ODF1: variants seen among roughly 807,000 people sequenced by gnomAD.
ODF1 encodes the protein outer dense fiber of sperm tails 1, also known as outer dense fiber protein 1.
A neutral mutation model predicts 24.0 loss-of-function variants in ODF1; 10 were observed. The ratio of observed to expected loss-of-function variants is 0.42; its 90% confidence interval spans 0.26 to 0.71. The LOEUF (loss-of-function observed/expected upper bound fraction) is 0.71, where lower values mean the gene tolerates loss of function less well. Ranked by LOEUF, ODF1 falls within the 30% of genes least tolerant of loss-of-function variation. The probability of loss-of-function intolerance (pLI) is 0.28; values close to 1 mark genes in which losing one functional copy is unlikely to be tolerated. For missense variants in ODF1, 282 were observed against 307.9 expected, an observed-to-expected ratio of 0.92 and a Z score of 0.63; for synonymous variants, 118 against 121.3, an observed-to-expected ratio of 0.97 and a Z score of 0.18.
chr8:102,557,828 G>T (rs1367268099), intron 1 of ODF1, among the ~76,000 whole-genome samples: 1 of 152,224 alleles, frequency 6.6e-6, no homozygotes, highest in Non-Finnish European at 1.5e-5. Flanking sequence ...TGCACACACC[G>T]TGGGAGAGTC....
At chr8:102,559,539 A>G (rs944899727) in intron 1 of ODF1, among the ~76,000 whole-genome samples, 1 of 151,680 alleles carries the variant, frequency 6.6e-6, no homozygotes, top group Non-Finnish European at 1.5e-5. Flanking sequence ...AGAGATGTAC[A>G]CGATCAGCTC....
At chr8:102,555,292 C>T (rs984086560) in intron 1 of ODF1, among the ~76,000 whole-genome samples, 2 of 152,186 alleles carry the variant, frequency 1.3e-5, no homozygotes, top group Non-Finnish European at 2.9e-5. Flanking sequence ...AGAAACAAAA[C>T]CCAGGCCCTC....
At chr8:102,552,179 G>A in intron 1 of ODF1, 132 bp downstream of exon 1, 1 of 634,094 alleles carries the variant, frequency 1.6e-6, no homozygotes, top group East Asian at 2.8e-5. Context: ...GGTGACTTAG[G>A]AAAGATTTAA....
At chr8:102,557,962 T>A (rs1826132859) in intron 1 of ODF1, among the ~76,000 whole-genome samples, 1 of 152,242 alleles carries the variant, frequency 6.6e-6, no homozygotes, top group Admixed American at 6.5e-5. Flanking sequence ...GTTCCCTGAA[T>A]CTTTGTGAGC....
intron 1 of ODF1, among the ~76,000 whole-genome samples, chr8:102,557,479 G>A (rs914735676): frequency 3.9e-5 from 6 of 152,208 alleles, no homozygotes; most frequent in East Asian, 1.9e-4. Flanking sequence ...GTGTGCTGTC[G>A]CAGAGCCACA....
Position 102,560,493 on chromosome 8 carries a change from G to A in ODF1, c.362G>A (p.Cys121Tyr), listed in dbSNP as rs762539840. The A allele has an allele frequency of 2.2e-5, 35 of 1,614,048 alleles. No individual in the cohort carries two copies. The highest frequency in any genetic ancestry group is 2.6e-5 in the Non-Finnish European group (31 of 1,180,036). The change falls in exon 2 of 2, where the codon TGT becomes TAT. Residue 121 changes from cysteine (C) to tyrosine (Y), a missense_variant. Coordinates refer to ENST00000285402, the MANE Select transcript of ODF1 (RefSeq NM_024410.4). ...AATAGAATTCTGGCTTCCTCCTGCT[G>A]TAGCAGTAACATTTTAGGATCGGTG... ...TTNRILASSC[C>Y]SSNILGSVNV...
At chr8:102,555,309 C>T (rs114720615) in intron 1 of ODF1, among the ~76,000 whole-genome samples, 1,893 of 152,302 alleles carry the variant, frequency 0.012, 32 homozygotes, top group African/African-American at 0.042. Context: ...CCTCCTCAAT[C>T]TTGCCCTAGG....
intron 1 of ODF1, among the ~76,000 whole-genome samples, chr8:102,553,869 G>A (rs556684864): frequency 9.8e-5 from 15 of 152,316 alleles, no homozygotes; most frequent in African/African-American, 2.9e-4. Context: ...TCCTGACAGC[G>A]TCTGGGTCTT....
At position 102,551,623 on chromosome 8, in the gene ODF1, G is replaced by T; in HGVS notation, c.-105G>T. The T allele has an allele frequency of 1.2e-6, 1 of 807,292 alleles. No homozygotes were observed. Among genetic ancestry groups the T allele is most frequent in the Non-Finnish European group, 2.0e-6 (1 of 511,440 alleles). The allele number at this position is 807,292 out of a possible 1,614,324, so 50.0% of individuals were successfully genotyped here. A position where few individuals can be genotyped will look rare whatever the true frequency, so the allele number is the denominator to read the frequency against. ...GCTTTAAAGTAAGTGAATCATGTGT[G>T]CCTCATTTATTTTTAAAAGCAACTT... On this transcript the variant is annotated 5_prime_UTR_variant, in exon 1 of 2. Coordinates refer to ENST00000285402, the MANE Select transcript of ODF1 (RefSeq NM_024410.4).
intron 1 of ODF1, among the ~76,000 whole-genome samples, chr8:102,555,252 G>C (rs976690470): frequency 6.6e-6 from 1 of 152,102 alleles, no homozygotes; most frequent in Admixed American, 6.5e-5. Flanking sequence ...CACATTTCAT[G>C]GGCTTCCCTG....
At chr8:102,556,908 A>G (rs1826118108) in intron 1 of ODF1, among the ~76,000 whole-genome samples, 1 of 152,206 alleles carries the variant, frequency 6.6e-6, no homozygotes, top group South Asian at 2.1e-4. Context: ...GTTCCCTGAT[A>G]GAGGTAGACA....
chr8:102,560,456 A>C lies in ODF1; in HGVS notation c.325A>C (p.Arg109=). The change falls in exon 2 of 2, where the codon AGA becomes CGA. Residue 109 remains arginine (R), a synonymous_variant. Coordinates refer to ENST00000285402, the MANE Select transcript of ODF1 (RefSeq NM_024410.4). ...TATCCCTTTTCTCAATTCCAGACTG[A>C]GAAGAACAACAAATAGAATTCTGGC... The part of the protein sequence containing the change: ...EDEKRELAKL[R]RTTNRILASS... 1.2e-6 allele frequency: 2 copies of C among 1,612,746 alleles called. No individual in the cohort carries two copies. Among genetic ancestry groups the C allele is most frequent in the Non-Finnish European group, 8.5e-7 (1 of 1,178,772 alleles).
At position 102,560,711 on chromosome 8, in the gene ODF1, A is replaced by G; in HGVS notation, c.580A>G (p.Ser194Gly). The stretch of plus-strand genomic sequence containing the variant: ...TGTAACATACTCCTATGGGCTCGGC[A>G]GCTGTGTCAAGATCGAGTCTCCTTG... ...KDVTYSYGLG[S>G]CVKIESPCYP... The change falls in exon 2 of 2, where the codon AGC becomes GGC. Residue 194 changes from serine (S) to glycine (G), a missense_variant. Transcript: ENST00000285402. The G allele has an allele frequency of 6.2e-7, 1 of 1,614,002 alleles. No homozygotes were observed. Among genetic ancestry groups the G allele is most frequent in the Non-Finnish European group, 8.5e-7 (1 of 1,180,026 alleles).
In ODF1 at chr8:102,560,756, T is replaced by G; in HGVS notation, c.625T>G (p.Cys209Gly). The G allele has an allele frequency of 6.3e-7, 1 of 1,576,012 alleles. No individual in the cohort carries two copies. The highest frequency in any genetic ancestry group is 8.6e-7 in the Non-Finnish European group (1 of 1,157,304). ...TCCTTGCTACCCTTGCACTTCTCCT[T>G]GCAGCCCCTGCAGCCCCTGCAGCCC... The part of the protein sequence containing the change: ...ESPCYPCTSP[C>G]SPCSPCSPCN... Residue 209 changes from cysteine to glycine, a missense_variant, in exon 2 of 2, where the codon TGC becomes GGC. Coordinates refer to ENST00000285402, the MANE Select transcript of ODF1 (RefSeq NM_024410.4).
chr8:102,555,122 A>T (rs1385416372), intron 1 of ODF1, among the ~76,000 whole-genome samples: 4 of 152,120 alleles, frequency 2.6e-5, no homozygotes, highest in Admixed American at 1.3e-4. Context: ...CCCAAGAGGC[A>T]GGCAGTGTCC....
intron 1 of ODF1, among the ~76,000 whole-genome samples, chr8:102,553,630 T>C (rs903982374): frequency 2.6e-5 from 4 of 152,224 alleles, no homozygotes; most frequent in Non-Finnish European, 5.9e-5. Context: ...CTCCTACTTT[T>C]GGATACTTGA....
intron 1 of ODF1, among the ~76,000 whole-genome samples, chr8:102,555,774 G>A (rs564622355): frequency 1.3e-5 from 2 of 152,198 alleles, no homozygotes; most frequent in African/African-American, 2.4e-5. Context: ...GCTGGTGAAA[G>A]GCTGGCTCTT....
intron 1 of ODF1, 53 bp from the exon 2 acceptor site, chr8:102,560,399 C>T: frequency 6.5e-7 from 1 of 1,528,410 alleles, no homozygotes; most frequent in Non-Finnish European, 9.0e-7. Context: ...CAAGCTGTGT[C>T]TGGATTCTGA....
intron 1 of ODF1, among the ~76,000 whole-genome samples, chr8:102,558,928 C>A (rs1455224545): frequency 6.6e-6 from 1 of 151,024 alleles, no homozygotes; most frequent in Non-Finnish European, 1.5e-5. Context: ...GAAGTAACTG[C>A]ATAAACAAAA....
Sources: gnomAD v4.1 joint callset for allele counts (sites outside exome capture counted in the v4.1 genomes callset) on GRCh38, gnomAD v4.1.1 for gene constraint, MANE v1.5 for transcripts, NCBI Gene and HGNC (gene_info 2026-07-23, HGNC 2026-07-21) for gene names.